MAP4K3: variants seen among roughly 807,000 people sequenced by gnomAD.
MAP4K3 encodes MAPK/ERK kinase kinase kinase 3.
Under a neutral mutation model 143.5 loss-of-function variants are expected in MAP4K3, and 94 were observed. That is an observed-to-expected ratio of 0.65 (90% confidence interval 0.55 to 0.78). The LOEUF is 0.78. Among genes scored for constraint, MAP4K3 ranks in the 30% least tolerant of loss-of-function variants. The probability of loss-of-function intolerance (pLI) is 0.00; values close to 1 mark genes in which losing one functional copy is unlikely to be tolerated. For missense variants in MAP4K3, 1,077 were observed against 1,068.1 expected, an observed-to-expected ratio of 1.01 and a Z score of -0.12; for synonymous variants, 416 against 347.2, an observed-to-expected ratio of 1.20 and a Z score of -2.20.
At position 39,361,359 on chromosome 2, in the gene MAP4K3, ATG is replaced by A. The variant is rs538425722; in HGVS notation, c.155-5022_155-5021del. Among the ~76,000 whole-genome samples, 55 of 152,210 alleles carry A rather than the reference ATG, an allele frequency of 3.6e-4. No homozygotes were observed. In the East Asian group the frequency reaches 4.2e-3, roughly 12 times the overall value. On this transcript the variant is annotated intron_variant, in intron 2 of 33. Transcript: ENST00000263881. ...CTTAACATATTATATGTTTACTTAT[ATG>A]TGTGTTTCCCTAGCACATTAGACTC...
At chr2:39,288,562 T>TA (rs1265267276) in intron 19 of MAP4K3, among the ~76,000 whole-genome samples, 2 of 152,226 alleles carry the variant, frequency 1.3e-5, no homozygotes, top group East Asian at 3.8e-4. Flanking sequence ...TCTCCCCACT[T>TA]AGACTAGCCA....
Position 39,337,181 on chromosome 2 carries a change from A to G in MAP4K3, c.367-214T>C, listed in dbSNP as rs117311040. Among the ~76,000 whole-genome samples, 332 of 152,234 alleles carry G rather than the reference A, an allele frequency of 2.2e-3. 8 individuals carry two copies. The East Asian group carries it at 0.059, about 27-fold the overall frequency. On this transcript the variant is annotated intron_variant, in intron 5 of 33. Transcript: ENST00000263881. ...AAAATTTTCAGTGAATTCTACAAAT[A>G]GTTTGAAATAACTTTTAAAAAGTAT...
intron 13 of MAP4K3, among the ~76,000 whole-genome samples, chr2:39,311,275 C>T (rs1401902174): frequency 6.6e-6 from 1 of 152,130 alleles, no homozygotes; most frequent in Non-Finnish European, 1.5e-5. Context: ...GATGGGCTTT[C>T]ACCATGTTGG....
At chr2:39,424,855 G>A (rs1308992015) in intron 1 of MAP4K3, among the ~76,000 whole-genome samples, 10 of 117,710 alleles carry the variant, frequency 8.5e-5, no homozygotes, top group East Asian at 4.9e-4. Context: ...AAAAAAAAAA[G>A]TTACCTACAA....
At chr2:39,351,837 T>G (rs1174082012) in intron 3 of MAP4K3, among the ~76,000 whole-genome samples, 1 of 152,038 alleles carries the variant, frequency 6.6e-6, no homozygotes, top group Non-Finnish European at 1.5e-5. Context: ...CCCAGCTAAT[T>G]TTTTGTATTT....
chr2:39,305,036 C>T (rs777048630), intron 15 of MAP4K3, among the ~76,000 whole-genome samples: 13 of 152,070 alleles, frequency 8.5e-5, no homozygotes, highest in African/African-American at 2.7e-4. Flanking sequence ...ACAGAGTGTT[C>T]GCTGCCAGGG....
intron 1 of MAP4K3, chr2:39,379,916 C>T (rs2148582907): frequency 6.2e-6 from 1 of 161,514 alleles, no homozygotes; most frequent in East Asian, 1.9e-4. Flanking sequence ...GGTTGCTGTA[C>T]ACAATGTACT....
chr2:39,286,237 C>A (rs1003973714), intron 21 of MAP4K3, among the ~76,000 whole-genome samples: 6 of 152,224 alleles, frequency 3.9e-5, no homozygotes, highest in Non-Finnish European at 5.9e-5. Flanking sequence ...CCCTTGCATG[C>A]ACACTTCACA....
intron 26 of MAP4K3, 125 bp from the exon 27 acceptor site, chr2:39,267,372 T>C (rs1204148863): frequency 1.4e-6 from 1 of 723,610 alleles, no homozygotes; most frequent in African/African-American, 1.8e-5. Flanking sequence ...AGCTCATCTA[T>C]TAAAATTAGA....
intron 4 of MAP4K3, 32 bp from the exon 5 acceptor site, chr2:39,337,613 T>C: frequency 6.9e-7 from 1 of 1,439,054 alleles, no homozygotes; most frequent in Non-Finnish European, 9.8e-7. Flanking sequence ...ACTCATAAAA[T>C]TAGTCAACGC....
intron 15 of MAP4K3, among the ~76,000 whole-genome samples, chr2:39,302,444 C>T (rs772143738): frequency 6.6e-6 from 1 of 151,962 alleles, no homozygotes; most frequent in Non-Finnish European, 1.5e-5. Flanking sequence ...TACAGAAAAT[C>T]GGATAGGGAA....
intron 1 of MAP4K3, among the ~76,000 whole-genome samples, chr2:39,409,537 T>G (rs920371572): frequency 4.6e-5 from 7 of 152,188 alleles, no homozygotes; most frequent in African/African-American, 1.7e-4. Flanking sequence ...GAGTCCAGCC[T>G]GGGCAACATT....
chr2:39,281,923 G>C (rs540599021), intron 22 of MAP4K3, among the ~76,000 whole-genome samples: 1 of 152,038 alleles, frequency 6.6e-6, no homozygotes, highest in African/African-American at 2.4e-5. Context: ...GCAAGGCGTG[G>C]TGGCTCACAC....
In MAP4K3 at chr2:39,437,073, C is replaced by G. The variant is rs1178755752; in HGVS notation, c.-86G>C. On this transcript the variant is annotated 5_prime_UTR_variant, in exon 1 of 34. Transcript: ENST00000263881. ...CCACACGGAGAGAGGGCGCCGCGGC[C>G]GGCTCCCGGCTCCCCCGGCGGTCAC... The G allele has an allele frequency of 2.1e-6, 2 of 933,028 alleles. No homozygotes were observed. Among genetic ancestry groups the G allele is most frequent in the East Asian group, 6.5e-5 (2 of 30,850 alleles). The allele number at this position is 933,028 out of a possible 1,614,324, so 57.8% of individuals were successfully genotyped here. A position where few individuals can be genotyped will look rare whatever the true frequency, so the allele number is the denominator to read the frequency against.
At chr2:39,407,929 CA>C (rs564591455) in intron 1 of MAP4K3, among the ~76,000 whole-genome samples, 77 of 152,074 alleles carry the variant, frequency 5.1e-4, no homozygotes, top group African/African-American at 1.7e-3. Context: ...AAAAAAATGC[CA>C]CAAGATATTA....
intron 32 of MAP4K3, 91 bp from the exon 33 acceptor site, chr2:39,251,976 T>C: frequency 1.2e-6 from 1 of 849,202 alleles, no homozygotes. Context: ...AAAAGAAACA[T>C]GATCGCTAAA....
intron 1 of MAP4K3, among the ~76,000 whole-genome samples, chr2:39,385,793 C>T (rs1325282432): frequency 1.3e-5 from 2 of 151,688 alleles, no homozygotes; most frequent in African/African-American, 2.4e-5. Flanking sequence ...CCACACCCGG[C>T]TAATTTTTTT....
rs781326482 is a variant in MAP4K3, at chr2:39,299,808, G to A, written c.1120-7C>T. 5.4e-5 allele frequency: 83 copies of A among 1,528,500 alleles called. No individual in the cohort carries two copies. The highest frequency in any genetic ancestry group is 9.0e-5 in the South Asian group (7 of 77,524). 94.7% of individuals were successfully genotyped at this position (1,528,500 alleles called of 1,614,324 possible). A position where few individuals can be genotyped will look rare whatever the true frequency, so the allele number is the denominator to read the frequency against. On this transcript the variant is annotated splice_region_variant and splice_polypyrimidine_tract_variant and intron_variant, in intron 15 of 33. Coordinates refer to ENST00000263881, the MANE Select transcript of MAP4K3 (RefSeq NM_003618.4). ...CATATTCCAGTTGCAGATCCTAATA[G>A]TACAAAATAAAATATTTAGCACAAT...
At chr2:39,282,690 A>G in intron 21 of MAP4K3, 136 bp from the exon 22 acceptor site, 2 of 626,254 alleles carry the variant, frequency 3.2e-6, no homozygotes, top group South Asian at 4.0e-5. Flanking sequence ...GTTAAGGCTG[A>G]AGTTCCCCAT....
Sources: allele counts gnomAD v4.1 joint callset (sites outside exome capture counted in the v4.1 genomes callset), GRCh38; gene constraint gnomAD v4.1.1; transcripts MANE v1.5; gene names NCBI Gene and HGNC (gene_info 2026-07-23, HGNC 2026-07-21).